NAV3: variants seen among roughly 807,000 people sequenced by gnomAD.
The protein encoded by NAV3 is pore membrane and/or filament interacting like protein 1.
NAV3 carries 87 observed loss-of-function variants against 244.7 expected under a neutral mutation model. The ratio of observed to expected loss-of-function variants is 0.36; its 90% CI spans 0.30 to 0.42. NAV3 has a LOEUF of 0.42. Among genes scored for constraint, NAV3 ranks in the 20% least tolerant of loss-of-function variants. The pLI, the probability that NAV3 is intolerant of heterozygous loss-of-function variation, is 1.00. For missense variants in NAV3, 2,663 were observed against 2,893.3 expected (o/e 0.92, Z 1.83); for synonymous variants, 1,126 against 1,042.2 (o/e 1.08, Z -1.55).
intron 34 of NAV3, among the ~76,000 whole-genome samples, chr12:78,191,146 C>CA (rs547237449): frequency 2.0e-5 from 3 of 152,094 alleles, no homozygotes; most frequent in Non-Finnish European, 2.9e-5. Flanking sequence ...ATGTGACTCC[C>CA]AAGAGCAGCC....
At chr12:77,905,060 C>T (rs529272814) in intron 1 of NAV3, among the ~76,000 whole-genome samples, 2 of 152,180 alleles carry the variant, frequency 1.3e-5, no homozygotes, top group African/African-American at 4.8e-5. Flanking sequence ...ATATTCTCCC[C>T]GTGGTCTCCA....
At chr12:77,865,765 T>C (rs963756902) in intron 1 of NAV3, among the ~76,000 whole-genome samples, 5 of 146,630 alleles carry the variant, frequency 3.4e-5, no homozygotes, top group African/African-American at 1.3e-4. Context: ...TATACACATA[T>C]ACTACATATA....
chr12:78,185,550 T>A (rs1958675524), intron 30 of NAV3, 51 bp from the exon 31 acceptor site: 4 of 1,477,506 alleles, frequency 2.7e-6, no homozygotes, highest in Non-Finnish European at 3.8e-6. Context: ...AGTAAACAAA[T>A]CTGAGCTAAT....
In NAV3 at chr12:77,894,223, C is replaced by A. The variant is rs190535436; in HGVS notation, c.244-46096C>A. 4.5e-3 allele frequency among the ~76,000 whole-genome samples: 680 copies of A among 152,216 alleles called. 6 individuals are homozygous for A. Among genetic ancestry groups the A allele is most frequent in the Non-Finnish European group, 6.3e-3 (426 of 67,998 alleles). ...AGATAGTGTTGTTGTCACCACCCCC[C>A]ACCCCAGCATGACAATTATGAACAT... On this transcript the variant is annotated intron_variant, in intron 1 of 39. Transcript: ENST00000397909.
At chr12:77,597,877 A>C (rs1870240757) in intron 2 of NAV3, among the ~76,000 whole-genome samples, 1 of 152,086 alleles carries the variant, frequency 6.6e-6, no homozygotes, top group African/African-American at 2.4e-5. Flanking sequence ...TATGGTGGAG[A>C]CAGTCTTAAA....
chr12:77,801,373 G>T (rs1385079168), intron 2 of NAV3, among the ~76,000 whole-genome samples: 1 of 151,986 alleles, frequency 6.6e-6, no homozygotes, highest in East Asian at 1.9e-4. Context: ...CATGAATTTT[G>T]ATTTCCTCTT....
intron 2 of NAV3, among the ~76,000 whole-genome samples, chr12:77,781,478 G>T (rs2135915644): frequency 6.6e-6 from 1 of 152,244 alleles, no homozygotes. Context: ...CAAGCAGAAA[G>T]TCTTTAAATC....
chr12:77,849,091 C>A (rs1403879131), intron 1 of NAV3, among the ~76,000 whole-genome samples: 2 of 152,050 alleles, frequency 1.3e-5, no homozygotes, highest in East Asian at 1.9e-4. Context: ...ATAATCTTGG[C>A]AATCATTCAA....
intron 5 of NAV3, among the ~76,000 whole-genome samples, chr12:77,971,635 A>G (rs2138051086): frequency 6.6e-6 from 1 of 152,270 alleles, no homozygotes; most frequent in African/African-American, 2.4e-5. Context: ...ATTAATGCAG[A>G]AAAATTCCTA....
chr12:77,611,151 A>G (rs1335003741), intron 2 of NAV3, among the ~76,000 whole-genome samples: 2 of 152,042 alleles, frequency 1.3e-5, no homozygotes, highest in Non-Finnish European at 2.9e-5. Flanking sequence ...AATAAGCCAC[A>G]TCAGAGAGTA....
rs752421551 is a variant in NAV3 at position 78,185,617 on chromosome 12, T to C, written c.5709T>C (p.Asp1903=). The C allele has an allele frequency of 2.5e-6, 4 of 1,608,186 alleles. No individual in the cohort carries two copies. The highest frequency in any genetic ancestry group is 3.4e-6 in the Non-Finnish European group (4 of 1,177,192). The change falls in exon 31 of 40, where the codon GAT becomes GAC. Residue 1903 remains aspartate (D), a synonymous_variant. Coordinates refer to ENST00000397909, the MANE Select transcript of NAV3 (RefSeq NM_001024383.2). ...ATTTGATAGATATTTTGCTAGATGA[T>C]GCTGGTGATGCAACTGGACATAAAG... ...EAVSSDILLD[D]AGDATGHKDG...
rs1375550450 is a variant in NAV3 at position 77,658,126 on chromosome 12, A to G, written c.72+85860A>G. Among the ~76,000 whole-genome samples, 101 of 152,134 alleles carry G rather than the reference A, an allele frequency of 6.6e-4. 2 individuals are homozygous for G. The Middle Eastern group carries it at 0.01, about 15-fold the overall frequency. On this transcript the variant is annotated intron_variant, in intron 2 of 8. Coordinates refer to the NAV3 transcript ENST00000550042. The stretch of plus-strand genomic sequence containing the variant: ...TGGCCAGGGCAATTAGGCAGGAGAA[A>G]GAAATAAAGGGTATTCAATTAGGAA...
intron 2 of NAV3, among the ~76,000 whole-genome samples, chr12:77,697,883 A>G (rs922007114): frequency 6.6e-6 from 1 of 152,144 alleles, no homozygotes; most frequent in Non-Finnish European, 1.5e-5. Context: ...TTGAACTGAA[A>G]CTTGAAATAT....
At chr12:78,025,154 A>G (rs2136874390) in intron 9 of NAV3, among the ~76,000 whole-genome samples, 1 of 152,228 alleles carries the variant, frequency 6.6e-6, no homozygotes, top group Admixed American at 6.5e-5. Context: ...AGTCACCACT[A>G]ATGTCAACAT....
At chr12:78,200,667 A>T (rs1479427447) in intron 38 of NAV3, 76 bp downstream of exon 38, 4 of 785,034 alleles carry the variant, frequency 5.1e-6, no homozygotes, top group African/African-American at 1.8e-5. Context: ...AGCAAAAAAA[A>T]ATATCTGGGT....
At chr12:77,694,302 T>TAA (rs112046163) in intron 2 of NAV3, among the ~76,000 whole-genome samples, 3 of 141,804 alleles carry the variant, frequency 2.1e-5, no homozygotes, top group African/African-American at 7.8e-5. Flanking sequence ...CCATCTCTAC[T>TAA]AAAAAAAAAA....
chr12:77,947,098 C>A (rs894829953), intron 3 of NAV3, among the ~76,000 whole-genome samples: 1 of 152,014 alleles, frequency 6.6e-6, no homozygotes, highest in Non-Finnish European at 1.5e-5. Flanking sequence ...TTACAATTTG[C>A]TGATATGAAT....
intron 24 of NAV3, among the ~76,000 whole-genome samples, chr12:78,174,580 T>C (rs1246770466): frequency 6.6e-6 from 1 of 151,958 alleles, no homozygotes; most frequent in Non-Finnish European, 1.5e-5. Flanking sequence ...AAACCTAGTT[T>C]GATTATTATT....
chr12:77,920,678 A>G lies in NAV3; in HGVS notation c.244-19641A>G, dbSNP rs1425151474. ...ACAATACTCAAACACCTTCTGGTTCATGTAGGCGAATATTTGTCATCTTTT... is the reference window on the plus strand; with the variant it reads ...ACAATACTCAAACACCTTCTGGTTCGTGTAGGCGAATATTTGTCATCTTTT... On this transcript the variant is annotated intron_variant, in intron 1 of 39. Coordinates refer to ENST00000397909, the MANE Select transcript of NAV3 (RefSeq NM_001024383.2). Among the ~76,000 whole-genome samples the G allele has an allele frequency of 2.6e-5, 4 of 152,172 alleles. No homozygotes were observed. The East Asian group carries it at 5.8e-4, about 22-fold the overall frequency.
Sources: gnomAD v4.1 joint callset for allele counts (sites outside exome capture counted in the v4.1 genomes callset) on GRCh38, gnomAD v4.1.1 for gene constraint, MANE v1.5 for transcripts, NCBI Gene and HGNC (gene_info 2026-07-23, HGNC 2026-07-21) for gene names.